The following DZIP3 variants were observed in gnomAD, a reference collection of about 807,000 sequenced individuals.
DZIP3 encodes E3 ubiquitin-protein ligase DZIP3.
A neutral mutation model predicts 162.0 loss-of-function variants in DZIP3; 118 were observed. The observed-to-expected ratio is 0.73, with a 90% CI of 0.63 to 0.85. DZIP3 has a LOEUF of 0.85. DZIP3 is among the 40% of genes least tolerant of loss of function. The pLI is 0.00. For synonymous variants in DZIP3, 438 were observed against 458.6 expected (o/e 0.96, Z 0.57); for missense variants, 1,331 against 1,407.0 (o/e 0.95, Z 0.86).
At chr3:108,673,160 T>G (rs1943986235) in intron 23 of DZIP3, among the ~76,000 whole-genome samples, 2 of 151,954 alleles carry the variant, frequency 1.3e-5, no homozygotes, top group African/African-American at 4.8e-5. Flanking sequence ...TATGTAATTT[T>G]TATTTATACA....
chr3:108,685,847 C>T (rs7645852), intron 27 of DZIP3, among the ~76,000 whole-genome samples: 50,266 of 152,050 alleles, frequency 0.33, 8,642 homozygotes, highest in Middle Eastern at 0.38. Flanking sequence ...TCACTTCTTA[C>T]GCATTGTAAT....
chr3:108,690,682 A>C, intron 31 of DZIP3, 105 bp from the exon 32 acceptor site: 1 of 1,001,408 alleles, frequency 1.0e-6, no homozygotes, highest in Non-Finnish European at 1.5e-6. Context: ...AAGGCTTTAA[A>C]GATCCACCAG....
chr3:108,622,836 GTCTCTCTCTCTC>G lies in DZIP3; in HGVS notation c.376-1574_376-1563del, dbSNP rs368466391. ...TCTTCCTTTACCCCAAACAAACAGA[GTCTCTCTCTCTC>G]TCTCTCTCTCTCTCTCTCTCTCTCT... On this transcript the variant is annotated intron_variant, in intron 5 of 32. Coordinates refer to ENST00000361582, the MANE Select transcript of DZIP3 (RefSeq NM_014648.4). Among the ~76,000 whole-genome samples, 364 of 62,832 alleles carry G rather than the reference GTCTCTCTCTCTC, an allele frequency of 5.8e-3. 4 individuals are homozygous for G. The highest frequency in any genetic ancestry group is 0.02 in the African/African-American group (336 of 16,888). The allele number at this position is 62,832 out of a possible 152,430, so 41.2% of individuals were successfully genotyped here.
intron 22 of DZIP3, among the ~76,000 whole-genome samples, chr3:108,671,016 A>T (rs1171564502): frequency 6.6e-6 from 1 of 151,820 alleles, no homozygotes; most frequent in Non-Finnish European, 1.5e-5. Context: ...CTTGTCCCTT[A>T]TCAGATACAA....
chr3:108,608,143 A>G lies in DZIP3; in HGVS notation c.87A>G (p.Lys29=), dbSNP rs1186094982. The G allele has an allele frequency of 2.0e-5, 33 of 1,612,776 alleles. No individual in the cohort carries two copies. Among genetic ancestry groups the G allele is most frequent in the Non-Finnish European group, 2.5e-5 (30 of 1,179,204 alleles). ...AAGAAACTGAGAATAAGCTAGAAAA[A>G]TCATCTGGTCAACTGGTAAGAGAAA... ...RKEETENKLE[K]SSGQLNKQEN... Residue 29 remains lysine, a synonymous_variant, in exon 3 of 33, where the codon AAA becomes AAG. Coordinates refer to ENST00000361582, the MANE Select transcript of DZIP3 (RefSeq NM_014648.4).
chr3:108,634,086 A>C (rs1942026723), intron 9 of DZIP3, among the ~76,000 whole-genome samples: 1 of 152,086 alleles, frequency 6.6e-6, no homozygotes, highest in Admixed American at 6.5e-5. Flanking sequence ...CTGATATCTT[A>C]ATTGCGAGGC....
At chr3:108,636,993 G>A (rs1942179970) in intron 11 of DZIP3, among the ~76,000 whole-genome samples, 1 of 151,886 alleles carries the variant, frequency 6.6e-6, no homozygotes, top group Non-Finnish European at 1.5e-5. Context: ...CGTGAACTAA[G>A]GATAATTAAT....
chr3:108,635,304 T>G (rs750438270), intron 10 of DZIP3: 14 of 237,720 alleles, frequency 5.9e-5, no homozygotes, highest in Non-Finnish European at 1.0e-4. Flanking sequence ...GTTGCATATA[T>G]GCACATAGGA....
chr3:108,630,607 G>A (rs1459728350), intron 8 of DZIP3, among the ~76,000 whole-genome samples: 1 of 151,994 alleles, frequency 6.6e-6, no homozygotes, highest in Non-Finnish European at 1.5e-5. Context: ...ACTTGCTAAA[G>A]TAATAATTTT....
At chr3:108,690,690 C>CTTCT in intron 31 of DZIP3, 97 bp from the exon 32 acceptor site, 1 of 1,069,528 alleles carries the variant, frequency 9.3e-7, no homozygotes, top group Non-Finnish European at 1.4e-6. Context: ...AAAGATCCAC[C>CTTCT]AGAAGACATG....
At chr3:108,625,157 T>C (rs1941535725) in intron 6 of DZIP3, among the ~76,000 whole-genome samples, 2 of 152,282 alleles carry the variant, frequency 1.3e-5, no homozygotes, top group East Asian at 3.9e-4. Flanking sequence ...TTTCCAGCTT[T>C]TTTTTTCTAG....
At chr3:108,680,265 A>G (rs1944258439) in intron 26 of DZIP3, among the ~76,000 whole-genome samples, 1 of 152,098 alleles carries the variant, frequency 6.6e-6, no homozygotes, top group South Asian at 2.1e-4. Flanking sequence ...CACTATTTCT[A>G]TTAAAAATAG....
Position 108,636,722 on chromosome 3 carries a change from T to G in DZIP3, c.1011+14T>G. 1 of 1,415,554 alleles carries G rather than the reference T, an allele frequency of 7.1e-7. No homozygotes were observed. Among genetic ancestry groups the G allele is most frequent in the East Asian group, 2.6e-5 (1 of 38,266 alleles). The allele number at this position is 1,415,554 out of a possible 1,614,324, so 87.7% of individuals were successfully genotyped here. A position where few individuals can be genotyped will look rare whatever the true frequency, so the allele number is the denominator to read the frequency against. On this transcript the variant is annotated intron_variant, in intron 11 of 32. Coordinates refer to ENST00000361582, the MANE Select transcript of DZIP3 (RefSeq NM_014648.4). ...GTTAAAATTTTGGTGAGTATCTTGT[T>G]TTGTCCTTTTTTTTTTTTCTTGCTT...
At chr3:108,668,042 T>C (rs141418520) in intron 21 of DZIP3, among the ~76,000 whole-genome samples, 1 of 152,250 alleles carries the variant, frequency 6.6e-6, no homozygotes, top group East Asian at 1.9e-4. Flanking sequence ...TCTTTAATTG[T>C]AAATGTTGGC....
In DZIP3 at chr3:108,662,238, G is replaced by A; in HGVS notation, c.2404G>A (p.Gly802Arg). Residue 802 changes from glycine to arginine, a missense_variant, in exon 21 of 33, where the codon GGA becomes AGA. Physicochemically the swap from Gly to Arg is moderately radical, Grantham distance 125. Transcript: ENST00000361582. Reference sequence around the variant, plus strand: ...ATCTCTTAATCAACAAGTTGCTTTTGGAATCAATAAGGTTTCCAAGTAAGT... The same window carrying A: ...ATCTCTTAATCAACAAGTTGCTTTTAGAATCAATAAGGTTTCCAAGTAAGT... ...IASLNQQVAF[G>R]INKVSKLQRQ... 6.3e-7 allele frequency: 1 copy of A among 1,595,286 alleles called. No homozygotes were observed. Among genetic ancestry groups the A allele is most frequent in the Non-Finnish European group, 8.5e-7 (1 of 1,175,114 alleles).
In DZIP3 at chr3:108,688,089, A is replaced by T. The variant is rs915473131; in HGVS notation, c.3263A>T (p.Lys1088Met). 3 of 1,613,200 alleles carry T rather than the reference A, an allele frequency of 1.9e-6. No homozygotes were observed. Among genetic ancestry groups the T allele is most frequent in the African/African-American group, 2.7e-5 (2 of 74,910 alleles). The change falls in exon 29 of 33, where the codon AAG becomes ATG. Residue 1088 changes from lysine to methionine, a missense_variant. Lys to Met is a moderately conservative substitution (Grantham distance 95). Transcript: ENST00000361582. The stretch of plus-strand genomic sequence containing the variant: ...ATTTCCCAGTTTATTGACCCCAAAA[A>T]GTCTCAGGTAAAATGCAAAAACAAC... The part of the protein sequence containing the change: ...CKISQFIDPK[K>M]SQSQGKSVSN...
At chr3:108,660,614 C>G (rs376585143) in intron 19 of DZIP3, among the ~76,000 whole-genome samples, 2 of 152,018 alleles carry the variant, frequency 1.3e-5, no homozygotes. Context: ...AAAGCAATGG[C>G]AACAAAAGCC....
chr3:108,613,252 G>A (rs1319168922), intron 4 of DZIP3, among the ~76,000 whole-genome samples: 1 of 152,084 alleles, frequency 6.6e-6, no homozygotes, highest in Non-Finnish European at 1.5e-5. Context: ...AAAATAATGG[G>A]ATTTTTTTGG....
chr3:108,597,499 G>A (rs116096601), intron 1 of DZIP3, among the ~76,000 whole-genome samples: 75 of 151,936 alleles, frequency 4.9e-4, no homozygotes, highest in African/African-American at 1.6e-3. Context: ...TTTAAGTTAA[G>A]GAACAGTAAT....
Sources: allele counts gnomAD v4.1 joint callset (sites outside exome capture counted in the v4.1 genomes callset), GRCh38; gene constraint gnomAD v4.1.1; transcripts MANE v1.5; gene names NCBI Gene and HGNC (gene_info 2026-07-23, HGNC 2026-07-21).